The following SORCS2 variants were observed in gnomAD, a reference collection of about 807,000 sequenced individuals.
The protein encoded by SORCS2 is sortilin related VPS10 domain containing receptor 2, also known as VPS10 domain-containing receptor SorCS2.
SORCS2 carries 100 observed loss-of-function variants against 141.6 expected under a neutral mutation model. The observed-to-expected ratio is 0.71, with a 90% CI of 0.60 to 0.83. The LOEUF is 0.83. SORCS2 is among the 40% of genes least tolerant of loss of function. The pLI, the probability that SORCS2 is intolerant of heterozygous loss-of-function variation, is 0.00. For synonymous variants in SORCS2, 789 were observed against 676.9 expected, an observed-to-expected ratio of 1.17 and a Z score of -2.57; for missense variants, 1,646 against 1,560.2, an observed-to-expected ratio of 1.05 and a Z score of -0.93.
rs539000339 is a variant in SORCS2 at position 7,705,843 on chromosome 4, G to A, written c.1868+1559G>A. 6.6e-5 allele frequency among the ~76,000 whole-genome samples: 10 copies of A among 152,372 alleles called. No homozygotes were observed. In the East Asian group the frequency reaches 1.9e-3, roughly 29 times the overall value. On this transcript the variant is annotated intron_variant, in intron 14 of 26. Transcript: ENST00000507866. ...AGCCGCCCAAGAGTGCCTGACCCCA[G>A]CCTCTATCTCCCTCCATGTGCCCCA...
rs1050904010 is a variant in SORCS2, at chr4:7,395,180, G to T, written c.481-1108G>T. On this transcript the variant is annotated intron_variant, in intron 1 of 26. Transcript: ENST00000507866. ...ATCTCGGGCAACAGCCCCTCCTCAT[G>T]TCCTCCCTGCTCAAATCACCAGGGA... Among the ~76,000 whole-genome samples, 6 of 152,304 alleles carry T rather than the reference G, an allele frequency of 3.9e-5. No individual in the cohort carries two copies. The South Asian group carries it at 8.3e-4, about 21-fold the overall frequency.
intron 9 of SORCS2, among the ~76,000 whole-genome samples, chr4:7,681,926 A>G (rs1367133377): frequency 6.6e-6 from 1 of 152,212 alleles, no homozygotes; most frequent in African/African-American, 2.4e-5. Flanking sequence ...GGCACACAGG[A>G]GGCCTTGATA....
intron 3 of SORCS2, among the ~76,000 whole-genome samples, chr4:7,543,939 C>CCCAT (rs1266557291): frequency 0.13 from 2,231 of 16,902 alleles, 297 homozygotes; most frequent in Middle Eastern, 0.5. Context: ...CACCCATCCA[C>CCCAT]CCATCCATCC....
intron 3 of SORCS2, among the ~76,000 whole-genome samples, chr4:7,612,791 C>T (rs1237693620): frequency 2.0e-5 from 3 of 150,526 alleles, no homozygotes; most frequent in Non-Finnish European, 3.0e-5. Context: ...GCTTCGCGGA[C>T]GTGGGAGAGA....
chr4:7,538,441 C>A (rs1712306605), intron 3 of SORCS2, among the ~76,000 whole-genome samples: 1 of 152,204 alleles, frequency 6.6e-6, no homozygotes, highest in Non-Finnish European at 1.5e-5. Flanking sequence ...CCCCAGGAGC[C>A]CTGTGGCATG....
chr4:7,372,352 G>C (rs1722311861), intron 1 of SORCS2, among the ~76,000 whole-genome samples: 1 of 152,184 alleles, frequency 6.6e-6, no homozygotes, highest in Non-Finnish European at 1.5e-5. Flanking sequence ...TGTTGCCCAG[G>C]CTGGAGGGCA....
intron 3 of SORCS2, among the ~76,000 whole-genome samples, chr4:7,629,225 A>G (rs1347529836): frequency 6.6e-6 from 1 of 152,200 alleles, no homozygotes; most frequent in Non-Finnish European, 1.5e-5. Flanking sequence ...CCACAAGTGT[A>G]TACAATTATG....
chr4:7,546,018 C>T (rs755080790), intron 3 of SORCS2, among the ~76,000 whole-genome samples: 6 of 152,184 alleles, frequency 3.9e-5, no homozygotes, highest in Admixed American at 6.5e-5. Context: ...AGCTCTCTGG[C>T]CTCTTCTTAC....
intron 3 of SORCS2, among the ~76,000 whole-genome samples, chr4:7,538,808 G>A (rs1298459100): frequency 6.6e-6 from 1 of 152,210 alleles, no homozygotes; most frequent in East Asian, 1.9e-4. Context: ...GAACTGCCAC[G>A]TGTTAGTAAG....
At chr4:7,357,348 T>C (rs1178237364) in intron 1 of SORCS2, among the ~76,000 whole-genome samples, 1 of 152,102 alleles carries the variant, frequency 6.6e-6, no homozygotes, top group Non-Finnish European at 1.5e-5. Context: ...ATGTGAGAAT[T>C]TGGATTTTTC....
At chr4:7,677,764 G>T (rs1723257807) in intron 9 of SORCS2, among the ~76,000 whole-genome samples, 1 of 152,166 alleles carries the variant, frequency 6.6e-6, no homozygotes, top group African/African-American at 2.4e-5. Flanking sequence ...CATTTGTCAG[G>T]GTTCATCTCC....
intron 1 of SORCS2, among the ~76,000 whole-genome samples, chr4:7,291,913 C>T (rs1207794017): frequency 6.6e-6 from 1 of 152,232 alleles, no homozygotes; most frequent in African/African-American, 2.4e-5. Context: ...CGTAAACATC[C>T]CCACAGTAAA....
chr4:7,229,132 C>G (rs956099253), intron 1 of SORCS2, among the ~76,000 whole-genome samples: 2 of 152,174 alleles, frequency 1.3e-5, no homozygotes, highest in African/African-American at 4.8e-5. Flanking sequence ...GGTGTCCTTT[C>G]TACTTTTGGG....
At chr4:7,577,580 C>A (rs966370447) in intron 3 of SORCS2, among the ~76,000 whole-genome samples, 1 of 139,166 alleles carries the variant, frequency 7.2e-6, no homozygotes, top group Non-Finnish European at 1.5e-5. Flanking sequence ...ATATAGCATA[C>A]AGGCGAAGTC....
At chr4:7,643,673 A>G (rs1720877189) in intron 4 of SORCS2, among the ~76,000 whole-genome samples, 1 of 152,220 alleles carries the variant, frequency 6.6e-6, no homozygotes, top group Admixed American at 6.5e-5. Flanking sequence ...ATGACAAGAA[A>G]AAGAAAAACC....
chr4:7,563,327 G>T (rs2067636101), intron 3 of SORCS2, among the ~76,000 whole-genome samples: 1 of 152,090 alleles, frequency 6.6e-6, no homozygotes, highest in African/African-American at 2.4e-5. Context: ...CCAGCAAGAG[G>T]CCCTCAGGAA....
At chr4:7,514,356 C>T (rs1336888103) in intron 2 of SORCS2, among the ~76,000 whole-genome samples, 1 of 152,140 alleles carries the variant, frequency 6.6e-6, no homozygotes, top group Admixed American at 6.5e-5. Flanking sequence ...CGGGAAGAGG[C>T]TGCTGCTGCT....
At chr4:7,703,178 C>G in intron 12 of SORCS2, 102 bp from the exon 13 acceptor site, 2 of 909,698 alleles carry the variant, frequency 2.2e-6, no homozygotes, top group Non-Finnish European at 3.3e-6. Context: ...GCCAACAACC[C>G]CCGGCTGCAC....
intron 1 of SORCS2, among the ~76,000 whole-genome samples, chr4:7,232,975 G>A (rs919437674): frequency 2.0e-5 from 3 of 152,200 alleles, no homozygotes; most frequent in Non-Finnish European, 2.9e-5. Flanking sequence ...AGTGATGGGC[G>A]CAGTGTAGGA....
Sources: allele counts gnomAD v4.1 joint callset (sites outside exome capture counted in the v4.1 genomes callset), GRCh38; gene constraint gnomAD v4.1.1; transcripts MANE v1.5; gene names NCBI Gene and HGNC (gene_info 2026-07-23, HGNC 2026-07-21).